Variants in RAI2 observed in about 807,000 individuals in gnomAD.
RAI2 encodes retinoic acid induced 2.
A neutral mutation model predicts 15.3 loss-of-function variants in RAI2; 5 were observed. That is an observed-to-expected ratio of 0.33 (90% CI 0.17 to 0.69). The LOEUF (loss-of-function observed/expected upper bound fraction) is 0.69. RAI2 is among the 30% of genes least tolerant of loss of function. The probability of loss-of-function intolerance (pLI) is 0.69; values close to 1 mark genes in which losing one functional copy is unlikely to be tolerated. For missense variants in RAI2, 424 were observed against 424.7 expected (o/e 1.00, Z 0.01); for synonymous variants, 191 against 184.0 (o/e 1.04, Z -0.31).
chrX:17,859,121 C>T (rs1237398039), intron 1 of RAI2, among the ~76,000 whole-genome samples: 2 of 111,544 alleles, frequency 1.8e-5, no homozygotes. Flanking sequence ...TCCAGCCCAC[C>T]CCTGGCTTCT....
At position 17,801,998 on chromosome X, in the gene RAI2, G is replaced by T; in HGVS notation, c.13C>A (p.Gln5Lys). The T allele has an allele frequency of 8.4e-7, 1 of 1,197,447 alleles. No individual in the cohort carries two copies. The highest frequency in any genetic ancestry group is 1.1e-6 in the Non-Finnish European group (1 of 885,681). ...ATGTCCATGGAGAGGTTCTGGGACT[G>T]CAGGTCGTCCATCACTCAGCTCTGA... MDDLQSQNLSMDMTD... is the reference protein window; with the variant it reads MDDLKSQNLSMDMTD... The change falls in exon 2 of 2, where the codon CAG (glutamine) becomes AAG (lysine). Residue 5 changes from glutamine to lysine, a missense_variant. Gln to Lys is a moderately conservative substitution (Grantham distance 53, BLOSUM62 1). Coordinates refer to ENST00000451717, the MANE Select transcript of RAI2 (RefSeq NM_021785.6).
intron 1 of RAI2, among the ~76,000 whole-genome samples, chrX:17,824,129 T>G (rs2067201557): frequency 8.9e-6 from 1 of 112,863 alleles, no homozygotes; most frequent in Non-Finnish European, 1.9e-5. Context: ...TACAGCTGCA[T>G]AGCAAATGTC....
chrX:17,849,856 A>G (rs904977660), intron 1 of RAI2, among the ~76,000 whole-genome samples: 4 of 112,701 alleles, frequency 3.5e-5, no homozygotes, highest in Non-Finnish European at 7.5e-5. Flanking sequence ...TGAAACCAGA[A>G]AGCCTCATTT....
intron 1 of RAI2, among the ~76,000 whole-genome samples, chrX:17,803,918 G>C (rs1424393074): frequency 9.1e-6 from 1 of 110,457 alleles, no homozygotes; most frequent in Non-Finnish European, 1.9e-5. Flanking sequence ...CCCAGAAGAT[G>C]CCATGCCTCC....
intron 1 of RAI2, among the ~76,000 whole-genome samples, chrX:17,843,932 C>A (rs1366265208): frequency 1.8e-5 from 2 of 112,423 alleles, no homozygotes; most frequent in African/African-American, 6.5e-5. Context: ...TAGATTTTTG[C>A]AATGAGTTTT....
intron 1 of RAI2, among the ~76,000 whole-genome samples, chrX:17,807,645 G>GT (rs2066996530): frequency 1.8e-5 from 2 of 111,814 alleles, no homozygotes; most frequent in Non-Finnish European, 1.9e-5. Context: ...AGAGCAGAGG[G>GT]TCAGACCCGC....
chrX:17,818,154 C>T (rs189863825), intron 1 of RAI2, among the ~76,000 whole-genome samples: 2 of 112,127 alleles, frequency 1.8e-5, no homozygotes, highest in East Asian at 5.6e-4. Flanking sequence ...GAACCCCAGA[C>T]CCACCTCAAG....
intron 1 of RAI2, among the ~76,000 whole-genome samples, chrX:17,810,110 AGAG>A (rs1251734831): frequency 3.6e-5 from 4 of 111,034 alleles, no homozygotes; most frequent in Admixed American, 9.6e-5. Flanking sequence ...CCTGAGGCTC[AGAG>A]GAGAAGTGAC....
chrX:17,849,817 TAA>T (rs2067507164), intron 1 of RAI2, among the ~76,000 whole-genome samples: 1 of 112,825 alleles, frequency 8.9e-6, no homozygotes, highest in Admixed American at 9.3e-5. Flanking sequence ...CCCAGAGTGG[TAA>T]GAGACTTGTA....
chrX:17,813,721 C>G (rs2147225260), intron 1 of RAI2, among the ~76,000 whole-genome samples: 1 of 111,737 alleles, frequency 8.9e-6, no homozygotes, highest in South Asian at 3.8e-4. Flanking sequence ...ACGTGCCTCC[C>G]TGGTGCAGAG....
At chrX:17,804,968 C>G (rs752150405) in intron 1 of RAI2, among the ~76,000 whole-genome samples, 1 of 113,148 alleles carries the variant, frequency 8.8e-6, no homozygotes, top group Non-Finnish European at 1.9e-5. Flanking sequence ...CCCTGTTCCT[C>G]CCATGGATGG....
chrX:17,856,670 T>C (rs1245561182), intron 1 of RAI2, among the ~76,000 whole-genome samples: 1 of 112,761 alleles, frequency 8.9e-6, no homozygotes, highest in Admixed American at 9.3e-5. Context: ...GGCCAGCAAG[T>C]ATGATCATGG....
chrX:17,800,741 C>A lies in RAI2; in HGVS notation c.1270G>T (p.Ala424Ser). Residue 424 changes from alanine (A) to serine (S), a missense_variant, in exon 2 of 2, where the codon GCT (alanine) becomes TCT (serine). By Grantham distance (99) the Ala-to-Ser change is moderately conservative. Coordinates refer to ENST00000451717, the MANE Select transcript of RAI2 (RefSeq NM_021785.6). ...QPNHPSGEVK[A>S]ENNIEMVGES... ...CCCACCATCTCAATGTTATTTTCAG[C>A]CTTGACTTCGCCGCTGGGGTGGTTG... is the stretch of plus-strand genomic sequence containing the variant. 3 of 1,211,622 alleles carry A rather than the reference C, an allele frequency of 2.5e-6. No individual in the cohort carries two copies. The highest frequency in any genetic ancestry group is 2.2e-6 in the Non-Finnish European group (2 of 895,551).
At chrX:17,833,545 C>A (rs901896313) in intron 1 of RAI2, among the ~76,000 whole-genome samples, 1 of 111,088 alleles carries the variant, frequency 9.0e-6, no homozygotes, top group Non-Finnish European at 1.9e-5. Flanking sequence ...AACTGAAGTT[C>A]AAAAGCAAAC....
intron 1 of RAI2, among the ~76,000 whole-genome samples, chrX:17,853,789 C>G (rs968190181): frequency 1.8e-5 from 2 of 111,043 alleles, no homozygotes; most frequent in African/African-American, 6.6e-5. Flanking sequence ...CCATCTGAAT[C>G]TAGGAACATT....
intron 1 of RAI2, among the ~76,000 whole-genome samples, chrX:17,841,213 GCCCCAAGCTCTGACTTTC>G (rs764721781): frequency 9.0e-6 from 1 of 111,271 alleles, no homozygotes; most frequent in African/African-American, 3.3e-5. Context: ...AACAATGCCA[GCCCCAAGCTCTGACTTTC>G]ACAAGATTTG....
intron 1 of RAI2, among the ~76,000 whole-genome samples, chrX:17,829,024 G>A (rs760453969): frequency 1.3e-4 from 14 of 110,756 alleles, no homozygotes; most frequent in East Asian, 5.7e-4. Flanking sequence ...TAACCATCTC[G>A]ACACCCGAGG....
chrX:17,846,967 T>C (rs2067468836), intron 1 of RAI2, among the ~76,000 whole-genome samples: 1 of 111,542 alleles, frequency 9.0e-6, no homozygotes, highest in Non-Finnish European at 1.9e-5. Flanking sequence ...GATTTGATGG[T>C]TTTATAGATG....
chrX:17,807,722 A>C (rs892399944), intron 1 of RAI2, among the ~76,000 whole-genome samples: 3 of 112,098 alleles, frequency 2.7e-5, no homozygotes, highest in African/African-American at 9.8e-5. Flanking sequence ...CTGATGGGTC[A>C]GTGTTAGATG....
Sources: gnomAD v4.1 joint callset for allele counts (sites outside exome capture counted in the v4.1 genomes callset) on GRCh38, gnomAD v4.1.1 for gene constraint, MANE v1.5 for transcripts, NCBI Gene and HGNC (gene_info 2026-07-23, HGNC 2026-07-21) for gene names.